Variants in FLVCR1 observed in about 807,000 individuals in gnomAD.
FLVCR1 encodes the protein choline/ethanolamine transporter FLVCR1.
FLVCR1 carries 34 observed loss-of-function variants against 53.6 expected under a neutral mutation model. The observed-to-expected ratio is 0.63, with a 90% CI of 0.48 to 0.84. The LOEUF (loss-of-function observed/expected upper bound fraction) is 0.84, where lower values mean the gene tolerates loss of function less well. Among genes scored for constraint, FLVCR1 ranks in the 40% least tolerant of loss-of-function variants. The pLI, the probability that FLVCR1 is intolerant of heterozygous loss-of-function variation, is 0.00. For missense variants in FLVCR1, 677 were observed against 696.7 expected (o/e 0.97, Z 0.32); for synonymous variants, 300 against 286.3 (o/e 1.05, Z -0.48).
chr1:212,860,350 G>GTTTTTTTTGTTTTTTTTTTT (rs1664186887), intron 1 of FLVCR1, among the ~76,000 whole-genome samples: 1 of 85,850 alleles, frequency 1.2e-5, no homozygotes, highest in Non-Finnish European at 2.4e-5. Flanking sequence ...TGTGTGTGTG[G>GTTTTTTTTGTTTTTTTTTTT]TTTTTTTTTT....
chr1:212,886,981 C>G (rs544448693), intron 5 of FLVCR1, among the ~76,000 whole-genome samples: 1 of 152,108 alleles, frequency 6.6e-6, no homozygotes, highest in Non-Finnish European at 1.5e-5. Context: ...CCAAAACTTA[C>G]CCCTGTACTT....
chr1:212,869,798 A>G (rs1403921903), intron 2 of FLVCR1, among the ~76,000 whole-genome samples: 1 of 152,228 alleles, frequency 6.6e-6, no homozygotes, highest in Non-Finnish European at 1.5e-5. Context: ...AGGCCTCCCA[A>G]AGTGTTGGGA....
intron 8 of FLVCR1, among the ~76,000 whole-genome samples, chr1:212,893,772 TTTG>T (rs1398117123): frequency 6.6e-6 from 1 of 152,118 alleles, no homozygotes; most frequent in Non-Finnish European, 1.5e-5. Flanking sequence ...TAAAGTGTTT[TTTG>T]TTTTGTTTTG....
intron 2 of FLVCR1, among the ~76,000 whole-genome samples, chr1:212,868,878 C>T (rs971844852): frequency 6.6e-6 from 1 of 152,094 alleles, no homozygotes; most frequent in Non-Finnish European, 1.5e-5. Context: ...ATGTAATCTT[C>T]ATAACAGCTT....
At chr1:212,875,900 C>T (rs981023517) in intron 3 of FLVCR1, among the ~76,000 whole-genome samples, 12 of 150,914 alleles carry the variant, frequency 8.0e-5, no homozygotes, top group South Asian at 2.1e-4. Context: ...ATTGCAATCT[C>T]GGTTTTATTG....
intron 3 of FLVCR1, among the ~76,000 whole-genome samples, chr1:212,877,521 C>CT (rs750035020): frequency 6.6e-6 from 1 of 151,794 alleles, no homozygotes; most frequent in Non-Finnish European, 1.5e-5. Flanking sequence ...CCATGAATGT[C>CT]TTTTGAGAAG....
chr1:212,894,516 C>T (rs1665283841), intron 8 of FLVCR1, among the ~76,000 whole-genome samples: 1 of 152,196 alleles, frequency 6.6e-6, no homozygotes. Context: ...TACCTGCATT[C>T]CCTTCTGCCT....
intron 1 of FLVCR1, among the ~76,000 whole-genome samples, chr1:212,862,170 G>A (rs1192689659): frequency 5.5e-5 from 5 of 91,224 alleles, no homozygotes; most frequent in Admixed American, 4.2e-4. Context: ...TTTTGTTGAG[G>A]TAAAATTCAC....
chr1:212,891,924 G>A (rs920737908), intron 8 of FLVCR1, among the ~76,000 whole-genome samples: 1 of 152,234 alleles, frequency 6.6e-6, no homozygotes, highest in African/African-American at 2.4e-5. Flanking sequence ...CTATTGATAT[G>A]GAGAAAGTTT....
Position 212,897,808 on chromosome 1 carries a change from C to T in FLVCR1, c.*2518C>T, listed in dbSNP as rs985302633. On this transcript the variant is annotated 3_prime_UTR_variant, in exon 10 of 10. Coordinates refer to ENST00000366971, the MANE Select transcript of FLVCR1 (RefSeq NM_014053.4). ...AGCACCAAGCCATGAGGGATCCACC[C>T]GCAGGACCCAAACACCTTCTATTAG... 3.3e-5 allele frequency: 5 copies of T among 152,288 alleles called. No individual in the cohort carries two copies. The highest frequency in any genetic ancestry group is 1.9e-4 in the East Asian group (1 of 5,190). The allele number at this position is 152,288 out of a possible 1,614,324, so 9.4% of individuals were successfully genotyped here.
chr1:212,877,045 G>C (rs1258870750), intron 3 of FLVCR1, among the ~76,000 whole-genome samples: 2 of 151,656 alleles, frequency 1.3e-5, no homozygotes, highest in East Asian at 3.9e-4. Context: ...GGCATGAAAT[G>C]GTATCTCATT....
At position 212,898,879 on chromosome 1, in the gene FLVCR1, A is replaced by G. The variant is rs1158221751; in HGVS notation, c.*3589A>G. On this transcript the variant is annotated 3_prime_UTR_variant, in exon 10 of 10. Coordinates refer to ENST00000366971, the MANE Select transcript of FLVCR1 (RefSeq NM_014053.4). ...TGTATTGAATACTGTAGGCAACTGT[A>G]ACACAATGGTATCTGTGTAATCTAA... 1.3e-5 allele frequency: 2 copies of G among 152,266 alleles called. No homozygotes were observed. The highest frequency in any genetic ancestry group is 2.4e-5 in the African/African-American group (1 of 41,470). The allele number at this position is 152,266 out of a possible 1,614,324, so 9.4% of individuals were successfully genotyped here.
intron 1 of FLVCR1, among the ~76,000 whole-genome samples, chr1:212,861,051 A>T (rs191300370): frequency 2.7e-3 from 406 of 152,278 alleles, no homozygotes; most frequent in Non-Finnish European, 2.8e-3. Flanking sequence ...TTCCGGGCAC[A>T]TCCTTACCCC....
Position 212,858,704 on chromosome 1 carries a change from G to A in FLVCR1, c.252G>A (p.Ala84=), listed in dbSNP as rs759102894. The change falls in exon 1 of 10, where the codon GCG becomes GCA. Residue 84 remains alanine, a synonymous_variant. Transcript: ENST00000366971. ...AGACCCAGGCCCGGCTGCTGCCTGC[G>A]GGCGCGGGAGCTGAGACCCCGGGGG... ...EEETQARLLP[A]GAGAETPGAE... is the part of the protein sequence containing the mutation. 1.3e-5 allele frequency: 21 copies of A among 1,593,554 alleles called. No homozygotes were observed. The highest frequency in any genetic ancestry group is 1.6e-5 in the Non-Finnish European group (19 of 1,172,150).
intron 3 of FLVCR1, among the ~76,000 whole-genome samples, chr1:212,877,462 C>A (rs761023826): frequency 1.6e-4 from 24 of 152,244 alleles, no homozygotes; most frequent in Admixed American, 3.3e-4. Context: ...ATCTGCCTGC[C>A]TCAGCCTCCC....
chr1:212,860,350 G>GTTTTTTTTTTGTTTTTTTTTTTTTT (rs1664187293), intron 1 of FLVCR1, among the ~76,000 whole-genome samples: 2 of 85,824 alleles, frequency 2.3e-5, no homozygotes, highest in African/African-American at 7.5e-5. Flanking sequence ...TGTGTGTGTG[G>GTTTTTTTTTTGTTTTTTTTTTTTTT]TTTTTTTTTT....
At position 212,858,295 on chromosome 1, in the gene FLVCR1, G is replaced by A; in HGVS notation, c.-158G>A. The A allele has an allele frequency of 1.4e-6, 1 of 716,900 alleles. No homozygotes were observed. The highest frequency in any genetic ancestry group is 3.0e-5 in the East Asian group (1 of 33,526). 44.4% of individuals were successfully genotyped at this position (716,900 alleles called of 1,614,324 possible). Reference sequence around the variant, plus strand: ...GGAGGAGACCTTCATCTGTTCACGCGGTAGCGCGGATTGCGGTTCGCGGCG... The same window carrying A: ...GGAGGAGACCTTCATCTGTTCACGCAGTAGCGCGGATTGCGGTTCGCGGCG... On this transcript the variant is annotated 5_prime_UTR_variant, in exon 1 of 10. Transcript: ENST00000366971.
intron 8 of FLVCR1, among the ~76,000 whole-genome samples, chr1:212,890,021 A>T (rs1411655988): frequency 1.3e-5 from 2 of 152,210 alleles, no homozygotes; most frequent in Non-Finnish European, 2.9e-5. Flanking sequence ...TGTGGTAGAG[A>T]TGGTAAGCAG....
intron 5 of FLVCR1, among the ~76,000 whole-genome samples, chr1:212,885,769 T>C (rs932893290): frequency 3.9e-5 from 6 of 152,006 alleles, no homozygotes; most frequent in African/African-American, 1.4e-4. Flanking sequence ...GCCAGGATGG[T>C]CTCGATCTCC....
Sources: gnomAD v4.1 joint callset for allele counts (sites outside exome capture counted in the v4.1 genomes callset) on GRCh38, gnomAD v4.1.1 for gene constraint, MANE v1.5 for transcripts, NCBI Gene and HGNC (gene_info 2026-07-23, HGNC 2026-07-21) for gene names.